The following SLC24A2 variants were observed in gnomAD, a reference collection of about 807,000 sequenced individuals.
The protein encoded by SLC24A2 is sodium/potassium/calcium exchanger 2.
Under a neutral mutation model 62.0 loss-of-function variants are expected in SLC24A2, and 36 were observed. That is an observed-to-expected ratio of 0.58 (90% CI 0.44 to 0.77). SLC24A2 has a LOEUF of 0.77. Among genes scored for constraint, SLC24A2 ranks in the 30% least tolerant of loss-of-function variants. SLC24A2 has a pLI of 0.00. For synonymous variants in SLC24A2, 358 were observed against 294.0 expected, an observed-to-expected ratio of 1.22 and a Z score of -2.23; for missense variants, 846 against 817.9, an observed-to-expected ratio of 1.03 and a Z score of -0.42.
chr9:20,088,406 G>C, the SLC24A2 span, among the ~76,000 whole-genome samples: 1 of 152,088 alleles, frequency 6.6e-6, no homozygotes, highest in Non-Finnish European at 1.5e-5. Context: ...GCAGTCCTCC[G>C]ACACAGTGCA....
At chr9:19,609,607 C>T (rs1015401012) in intron 4 of SLC24A2, among the ~76,000 whole-genome samples, 3 of 152,040 alleles carry the variant, frequency 2.0e-5, no homozygotes, top group Admixed American at 6.5e-5. Flanking sequence ...ATGATTTTTG[C>T]CATAAAGTTC....
intron 3 of SLC24A2, among the ~76,000 whole-genome samples, chr9:19,620,853 C>G (rs1444983983): frequency 6.6e-6 from 1 of 152,212 alleles, no homozygotes; most frequent in Non-Finnish European, 1.5e-5. Context: ...AAATAAAATA[C>G]TATTCTCCAC....
At chr9:19,910,890 T>TC in the SLC24A2 span, among the ~76,000 whole-genome samples, 2 of 32,482 alleles carry the variant, frequency 6.2e-5, no homozygotes, top group Non-Finnish European at 1.6e-4. Flanking sequence ...GAGGTCCTTT[T>TC]TTTTTTCTTT....
At chr9:19,534,164 T>TG (rs914480041) in intron 8 of SLC24A2, among the ~76,000 whole-genome samples, 9 of 152,128 alleles carry the variant, frequency 5.9e-5, no homozygotes, top group African/African-American at 1.9e-4. Flanking sequence ...TAATCAGCTG[T>TG]GGGGGGAAAA....
the SLC24A2 span, among the ~76,000 whole-genome samples, chr9:20,104,902 C>T: frequency 6.6e-6 from 1 of 152,140 alleles, no homozygotes; most frequent in African/African-American, 2.4e-5. Flanking sequence ...GACACACTGG[C>T]AAACTGGATA....
At chr9:20,237,839 C>T in the SLC24A2 span, among the ~76,000 whole-genome samples, 1 of 152,256 alleles carries the variant, frequency 6.6e-6, no homozygotes, top group African/African-American at 2.4e-5. Flanking sequence ...CCTCATTTCC[C>T]TCTAGATAGA....
At chr9:19,798,516 G>T in the SLC24A2 span, among the ~76,000 whole-genome samples, 2 of 151,870 alleles carry the variant, frequency 1.3e-5, no homozygotes, top group African/African-American at 2.4e-5. Context: ...TACAAAGAGG[G>T]CCTATGAGTG....
intron 4 of SLC24A2, among the ~76,000 whole-genome samples, chr9:19,617,016 T>C (rs1288630799): frequency 6.6e-6 from 1 of 151,928 alleles, no homozygotes; most frequent in Non-Finnish European, 1.5e-5. Flanking sequence ...CAGAGTGAAA[T>C]TGAGTTTGGA....
the SLC24A2 span, among the ~76,000 whole-genome samples, chr9:20,272,110 C>T: frequency 6.6e-6 from 1 of 152,150 alleles, no homozygotes; most frequent in Non-Finnish European, 1.5e-5. Context: ...CCTGAAATGC[C>T]AATTATACAC....
At chr9:19,554,603 G>A (rs527351796) in intron 7 of SLC24A2, among the ~76,000 whole-genome samples, 5 of 152,112 alleles carry the variant, frequency 3.3e-5, no homozygotes, top group South Asian at 2.1e-4. Context: ...CAGCCTTCTC[G>A]GCAAGGTGTG....
At chr9:19,830,615 T>A in the SLC24A2 span, among the ~76,000 whole-genome samples, 1 of 152,154 alleles carries the variant, frequency 6.6e-6, no homozygotes, top group South Asian at 2.1e-4. Flanking sequence ...CCAGGAGTCT[T>A]CCATTCTATG....
the SLC24A2 span, among the ~76,000 whole-genome samples, chr9:19,828,237 C>T: frequency 0.11 from 16,553 of 151,802 alleles, 1,147 homozygotes; most frequent in Middle Eastern, 0.18. Context: ...GAGTGACCAT[C>T]GTTTGCAATA....
chr9:20,261,272 A>G, the SLC24A2 span, among the ~76,000 whole-genome samples: 1 of 152,128 alleles, frequency 6.6e-6, no homozygotes, highest in Admixed American at 6.5e-5. Context: ...TAATTGACAG[A>G]CTTCATAATT....
chr9:19,956,029 C>G, the SLC24A2 span, among the ~76,000 whole-genome samples: 2 of 152,188 alleles, frequency 1.3e-5, no homozygotes, highest in Non-Finnish European at 2.9e-5. Context: ...AGCACTAGCC[C>G]TAGAGGTACC....
the SLC24A2 span, among the ~76,000 whole-genome samples, chr9:20,094,070 T>C: frequency 6.6e-6 from 1 of 152,208 alleles, no homozygotes; most frequent in African/African-American, 2.4e-5. Flanking sequence ...TTATTTTCTT[T>C]TAAGGTGTTG....
chr9:19,669,759 T>C (rs1819362367), intron 2 of SLC24A2, among the ~76,000 whole-genome samples: 2 of 152,242 alleles, frequency 1.3e-5, no homozygotes, highest in South Asian at 4.1e-4. Context: ...ACCCTTGTGA[T>C]GATTAGACCC....
the SLC24A2 span, among the ~76,000 whole-genome samples, chr9:20,134,730 GT>G: frequency 2.0e-5 from 3 of 152,252 alleles, no homozygotes; most frequent in South Asian, 6.2e-4. Flanking sequence ...GCTGGACTGT[GT>G]GTCTAACTGC....
At chr9:20,069,038 C>A in the SLC24A2 span, among the ~76,000 whole-genome samples, 28 of 126,294 alleles carry the variant, frequency 2.2e-4, no homozygotes, top group Non-Finnish European at 3.1e-4. Context: ...CCTCTTTTCA[C>A]CTCCCAAAAC....
chr9:19,997,296 A>G, the SLC24A2 span, among the ~76,000 whole-genome samples: 2 of 152,194 alleles, frequency 1.3e-5, no homozygotes, highest in Non-Finnish European at 2.9e-5. Context: ...AAAGAGAAAG[A>G]GAGAAATTAG....
Sources: gnomAD v4.1 joint callset for allele counts (sites outside exome capture counted in the v4.1 genomes callset) on GRCh38, gnomAD v4.1.1 for gene constraint, MANE v1.5 for transcripts, NCBI Gene and HGNC (gene_info 2026-07-23, HGNC 2026-07-21) for gene names.